Variants in ERCC6L2 observed in about 807,000 individuals in gnomAD.
The protein encoded by ERCC6L2 is DNA excision repair protein ERCC-6-like 2.
ERCC6L2 carries 77 observed loss-of-function variants against 132.0 expected under a neutral mutation model. The observed-to-expected ratio is 0.58, with a 90% CI of 0.49 to 0.71. The LOEUF is 0.71. Among genes scored for constraint, ERCC6L2 ranks in the 30% least tolerant of loss-of-function variants. ERCC6L2 has a pLI of 0.00. For missense variants in ERCC6L2, 1,542 were observed against 1,837.6 expected (o/e 0.84, Z 2.94); for synonymous variants, 583 against 632.4 (o/e 0.92, Z 1.17).
chr9:96,021,292 AAG>A, downstream of ERCC6L2: 2 of 337,064 alleles, frequency 5.9e-6, no homozygotes, highest in Non-Finnish European at 1.2e-5. This position sits in a 1 kb window ranked among gnomAD's most constrained non-coding sequence, Gnocchi z 4.7. Context: ...CTGTAAAGAA[AAG>A]AGAAAGCAAG....
At chr9:96,039,332 G>T (rs1448963111) in intron 20 of ERCC6L2, among the ~76,000 whole-genome samples, 1 of 152,166 alleles carries the variant, frequency 6.6e-6, no homozygotes, top group African/African-American at 2.4e-5. Flanking sequence ...GAGAAGAAAA[G>T]ATTGAATGGG....
At chr9:95,897,301 G>A (rs370191869) in intron 2 of ERCC6L2, among the ~76,000 whole-genome samples, 2 of 152,132 alleles carry the variant, frequency 1.3e-5, no homozygotes, top group African/African-American at 2.4e-5. Flanking sequence ...ATTATATGAG[G>A]TTATGGTTCC....
At chr9:96,021,512 C>T (rs138851782), downstream of ERCC6L2, 2,067 of 172,380 alleles carry the variant, frequency 0.012, 55 homozygotes, top group African/African-American at 0.046. The surrounding 1 kb of genome is among the most constrained non-coding windows in gnomAD (Gnocchi z 4.7). Flanking sequence ...GGACACGGGG[C>T]AAATTCTCGG....
intron 12 of ERCC6L2, among the ~76,000 whole-genome samples, chr9:95,942,002 T>C (rs1830826720): frequency 6.6e-6 from 1 of 152,140 alleles, no homozygotes; most frequent in African/African-American, 2.4e-5. Flanking sequence ...TCTGGGAAAT[T>C]GATAATGTCC....
intron 17 of ERCC6L2, among the ~76,000 whole-genome samples, chr9:95,999,876 A>G (rs936282243): frequency 5.5e-5 from 8 of 144,164 alleles, no homozygotes; most frequent in Admixed American, 1.5e-4. Flanking sequence ...TTTTCTTTCT[A>G]TTAATGTTTT....
At chr9:96,026,620 C>T (rs1834368437) in intron 19 of ERCC6L2, among the ~76,000 whole-genome samples, 1 of 151,492 alleles carries the variant, frequency 6.6e-6, no homozygotes, top group East Asian at 1.9e-4. Context: ...ACACACACCA[C>T]ACTATACACA....
chr9:95,973,594 ACT>A (rs1478112734), intron 16 of ERCC6L2, among the ~76,000 whole-genome samples: 23 of 151,836 alleles, frequency 1.5e-4, no homozygotes, highest in Non-Finnish European at 1.2e-4. Context: ...GCAGAGGGGA[ACT>A]CCTCTTTATA....
At chr9:95,949,214 A>C (rs776151608) in intron 12 of ERCC6L2, among the ~76,000 whole-genome samples, 8 of 152,220 alleles carry the variant, frequency 5.3e-5, no homozygotes, top group Admixed American at 6.5e-5. Flanking sequence ...GGAAGTGAAC[A>C]TATAGGACAC....
intron 13 of ERCC6L2, among the ~76,000 whole-genome samples, chr9:95,965,576 T>A (rs992102140): frequency 2.0e-5 from 3 of 152,104 alleles, no homozygotes; most frequent in Non-Finnish European, 4.4e-5. Flanking sequence ...TGGCGCCACC[T>A]CGGGTTGCTT....
At chr9:95,883,713 C>A (rs934021729) in intron 2 of ERCC6L2, among the ~76,000 whole-genome samples, 6 of 152,190 alleles carry the variant, frequency 3.9e-5, no homozygotes, top group African/African-American at 1.4e-4. Context: ...CAAAAATTAG[C>A]TGGGCATGGT....
At chr9:96,037,172 C>T (rs1252767084) in intron 19 of ERCC6L2, among the ~76,000 whole-genome samples, 1 of 152,218 alleles carries the variant, frequency 6.6e-6, no homozygotes, top group Non-Finnish European at 1.5e-5. Context: ...TCACTGCAGA[C>T]CAACAACAAA....
intron 15 of ERCC6L2, 140 bp from the exon 16 acceptor site, chr9:95,971,793 T>A (rs1354091442): frequency 6.4e-6 from 2 of 310,570 alleles, no homozygotes; most frequent in African/African-American, 4.4e-5. Flanking sequence ...TTAACATTTG[T>A]TTATTAAATG....
At chr9:95,922,855 T>TA (rs1244008708) in intron 8 of ERCC6L2, among the ~76,000 whole-genome samples, 1 of 152,194 alleles carries the variant, frequency 6.6e-6, no homozygotes, top group Non-Finnish European at 1.5e-5. Flanking sequence ...TTGTTTCCTT[T>TA]TATTCTAGAG....
intron 16 of ERCC6L2, among the ~76,000 whole-genome samples, chr9:95,976,913 T>G (rs1832695901): frequency 6.6e-6 from 1 of 152,214 alleles, no homozygotes; most frequent in Admixed American, 6.5e-5. Context: ...AATGAGGCTT[T>G]CTTTGTGGCT....
At chr9:95,907,401 C>T (rs1166374549) in intron 4 of ERCC6L2, 130 bp downstream of exon 4, 22 of 668,014 alleles carry the variant, frequency 3.3e-5, no homozygotes, top group African/African-American at 6.9e-5. Context: ...GACGGAGTTT[C>T]GCCACGTTGC....
chr9:95,899,145 T>A (rs1187691471), intron 3 of ERCC6L2, among the ~76,000 whole-genome samples: 7 of 151,930 alleles, frequency 4.6e-5, no homozygotes, highest in Admixed American at 4.6e-4. Context: ...TAAAGATATT[T>A]AAAATATTAT....
intron 12 of ERCC6L2, among the ~76,000 whole-genome samples, chr9:95,943,394 A>G (rs1280694456): frequency 4.6e-5 from 7 of 152,160 alleles, no homozygotes; most frequent in Non-Finnish European, 1.0e-4. Flanking sequence ...TAGGGGCAAC[A>G]ACTAAAAGAG....
chr9:95,993,436 C>T (rs1833368895), intron 17 of ERCC6L2, among the ~76,000 whole-genome samples: 1 of 152,196 alleles, frequency 6.6e-6, no homozygotes. Flanking sequence ...TATGGTCTCG[C>T]TTGGCCCTTT....
At chr9:95,882,624 A>T (rs1192883725) in intron 2 of ERCC6L2, among the ~76,000 whole-genome samples, 2 of 152,116 alleles carry the variant, frequency 1.3e-5, no homozygotes, top group African/African-American at 2.4e-5. Flanking sequence ...ATTTATAAAT[A>T]GCCAAATTTC....
Sources: gnomAD v4.1 joint callset for allele counts (sites outside exome capture counted in the v4.1 genomes callset) on GRCh38, gnomAD v4.1.1 for gene constraint, Gnocchi (gnomAD v3.1) non-coding constraint, MANE v1.5 for transcripts, NCBI Gene and HGNC (gene_info 2026-07-23, HGNC 2026-07-21) for gene names.